The following CA8 variants were observed in gnomAD, a reference collection of about 807,000 sequenced individuals.
The protein encoded by CA8 is carbonic anhydrase 8 (inactive).
A neutral mutation model predicts 41.4 loss-of-function variants in CA8; 22 were observed. That is an observed-to-expected ratio of 0.53 (90% CI 0.38 to 0.76). The LOEUF is 0.76. Ranked by LOEUF, CA8 falls within the 30% of genes least tolerant of loss-of-function variation. The pLI is 0.00. For missense variants in CA8, 270 were observed against 352.8 expected (o/e 0.77, Z 1.88); for synonymous variants, 121 against 130.6 (o/e 0.93, Z 0.50).
intron 3 of CA8, among the ~76,000 whole-genome samples, chr8:60,244,582 T>C (rs1483446004): frequency 6.6e-6 from 1 of 152,228 alleles, no homozygotes; most frequent in African/African-American, 2.4e-5. Flanking sequence ...TTCAGCACTA[T>C]TTCATTTCTC....
At chr8:60,279,594 T>A in intron 2 of CA8, 95 bp downstream of exon 2, 1 of 1,068,396 alleles carries the variant, frequency 9.4e-7, no homozygotes, top group South Asian at 1.3e-5. Flanking sequence ...GATACGTCAG[T>A]TGTACTTTTT....
intron 2 of CA8, among the ~76,000 whole-genome samples, chr8:60,277,870 C>T (rs1804291101): frequency 6.6e-6 from 1 of 152,026 alleles, no homozygotes; most frequent in African/African-American, 2.4e-5. Context: ...AAATTATTAC[C>T]ATGACAGAGA....
chr8:60,205,378 TA>T (rs1806544763), intron 8 of CA8, among the ~76,000 whole-genome samples: 2 of 152,126 alleles, frequency 1.3e-5, no homozygotes, highest in African/African-American at 4.8e-5. Context: ...CTTTATGAAG[TA>T]AAAAGGCAAA....
At chr8:60,260,282 C>T (rs957473426) in intron 3 of CA8, among the ~76,000 whole-genome samples, 4 of 152,146 alleles carry the variant, frequency 2.6e-5, no homozygotes, top group Non-Finnish European at 2.9e-5. Flanking sequence ...ACCACCCCTT[C>T]GACCCCATTC....
At chr8:60,230,322 C>A (rs148788871) in intron 4 of CA8, among the ~76,000 whole-genome samples, 1 of 152,272 alleles carries the variant, frequency 6.6e-6, no homozygotes, top group Non-Finnish European at 1.5e-5. Flanking sequence ...ATCAGTGACA[C>A]CCTCTCTTTC....
At chr8:60,278,209 AG>A (rs1804301943) in intron 2 of CA8, among the ~76,000 whole-genome samples, 2 of 152,336 alleles carry the variant, frequency 1.3e-5, no homozygotes, top group South Asian at 4.1e-4. Context: ...AGGCACACAC[AG>A]ATGCAGTGGA....
chr8:60,192,739 GTT>G (rs1806165560), intron 8 of CA8, among the ~76,000 whole-genome samples: 1 of 152,068 alleles, frequency 6.6e-6, no homozygotes, highest in Non-Finnish European at 1.5e-5. Flanking sequence ...GTTTTTAAAT[GTT>G]TGTTATGAAA....
chr8:60,218,144 T>C (rs1807088712), intron 7 of CA8, among the ~76,000 whole-genome samples: 1 of 152,116 alleles, frequency 6.6e-6, no homozygotes, highest in Non-Finnish European at 1.5e-5. Context: ...TACAGACACT[T>C]TTCCCCTGTT....
At chr8:60,246,977 A>C (rs913325570) in intron 3 of CA8, among the ~76,000 whole-genome samples, 5 of 134,104 alleles carry the variant, frequency 3.7e-5, no homozygotes, top group Non-Finnish European at 7.6e-5. Context: ...TCCACCTCCC[A>C]GGTTCACGCC....
chr8:60,208,031 T>C (rs1806698258), intron 8 of CA8: 1 of 152,264 alleles, frequency 6.6e-6, no homozygotes, highest in African/African-American at 2.4e-5. Context: ...CAATGACCTA[T>C]GCACTTAGGA....
At chr8:60,272,398 AAAAG>A (rs1369259019) in intron 2 of CA8, among the ~76,000 whole-genome samples, 9 of 152,210 alleles carry the variant, frequency 5.9e-5, no homozygotes, top group East Asian at 5.8e-4. Context: ...ACAAAAAAAA[AAAAG>A]AAAGGTTCTA....
chr8:60,245,404 A>C (rs1210368273), intron 3 of CA8, among the ~76,000 whole-genome samples: 2 of 152,192 alleles, frequency 1.3e-5, no homozygotes, highest in African/African-American at 4.8e-5. Context: ...GTACTTCCTT[A>C]TTTATATAAG....
At chr8:60,245,928 C>T (rs976973883) in intron 3 of CA8, among the ~76,000 whole-genome samples, 1 of 152,206 alleles carries the variant, frequency 6.6e-6, no homozygotes, top group African/African-American at 2.4e-5. Context: ...ATTTTTAAAA[C>T]AAGATTATTA....
chr8:60,213,290 C>T (rs1387567598), intron 7 of CA8, among the ~76,000 whole-genome samples: 1 of 152,232 alleles, frequency 6.6e-6, no homozygotes, highest in African/African-American at 2.4e-5. Context: ...CTAAAGGAGC[C>T]TCAGCCTTGG....
At chr8:60,225,983 G>A (rs777595353) in intron 5 of CA8, among the ~76,000 whole-genome samples, 3 of 152,204 alleles carry the variant, frequency 2.0e-5, no homozygotes, top group Non-Finnish European at 2.9e-5. Flanking sequence ...TTAGCTGGGC[G>A]TGGTGGTGGC....
intron 2 of CA8, among the ~76,000 whole-genome samples, chr8:60,273,843 G>A (rs1804145347): frequency 6.6e-6 from 1 of 152,194 alleles, no homozygotes; most frequent in African/African-American, 2.4e-5. Flanking sequence ...ATGGGGGCAG[G>A]GGCTCATGCC....
chr8:60,235,757 G>A (rs1807807814), intron 3 of CA8, among the ~76,000 whole-genome samples: 1 of 152,190 alleles, frequency 6.6e-6, no homozygotes, highest in Non-Finnish European at 1.5e-5. Context: ...AAGCTAGACA[G>A]CTAGAGGGGT....
chr8:60,202,937 C>G (rs1047828083), intron 8 of CA8, among the ~76,000 whole-genome samples: 1 of 152,116 alleles, frequency 6.6e-6, no homozygotes, highest in South Asian at 2.1e-4. Context: ...AAGTATGTTA[C>G]AAACTTGTTT....
In CA8 at chr8:60,209,860, C is replaced by T. The variant is rs376542968; in HGVS notation, c.739-941G>A. 1.1e-4 allele frequency among the ~76,000 whole-genome samples: 17 copies of T among 152,288 alleles called. No individual in the cohort carries two copies. The East Asian group carries it at 2.3e-3, about 21-fold the overall frequency. ...TAAGTGAAAAGGTTCTCAGAGTCCT[C>T]AGGGACATTGCCCATCAGCCACCCT... On this transcript the variant is annotated intron_variant, in intron 7 of 8. Coordinates refer to ENST00000317995, the MANE Select transcript of CA8 (RefSeq NM_004056.6).
Sources: allele counts gnomAD v4.1 joint callset (sites outside exome capture counted in the v4.1 genomes callset), GRCh38; gene constraint gnomAD v4.1.1; transcripts MANE v1.5; gene names NCBI Gene and HGNC (gene_info 2026-07-23, HGNC 2026-07-21).